ANXA2: variants seen among roughly 807,000 people sequenced by gnomAD.
ANXA2 encodes the protein annexin A2.
In ANXA2, 28 loss-of-function variants were observed where a neutral mutation model predicts 47.3. That is an observed-to-expected ratio of 0.59 (90% CI 0.44 to 0.81). The LOEUF (loss-of-function observed/expected upper bound fraction) is 0.81. Among genes scored for constraint, ANXA2 ranks in the 40% least tolerant of loss-of-function variants. ANXA2 has a pLI of 0.00. For synonymous variants in ANXA2, 172 were observed against 155.5 expected, an observed-to-expected ratio of 1.11 and a Z score of -0.79; for missense variants, 384 against 414.3, an observed-to-expected ratio of 0.93 and a Z score of 0.64.
At chr15:60,397,070 CCTT>C (rs778092960) in intron 1 of ANXA2, among the ~76,000 whole-genome samples, 8 of 152,320 alleles carry the variant, frequency 5.3e-5, no homozygotes, top group Admixed American at 2.6e-4. Context: ...GTGTTCCCCT[CCTT>C]CTTCTCAACA....
At chr15:60,351,660 G>A in intron 10 of ANXA2, 64 bp downstream of exon 10, 1 of 1,028,318 alleles carries the variant, frequency 9.7e-7, no homozygotes, top group Non-Finnish European at 1.5e-6. Context: ...TTAACAGGAT[G>A]GCCATCTGTC....
chr15:60,382,046 AGGGAG>A (rs1242080020), intron 3 of ANXA2, among the ~76,000 whole-genome samples: 2 of 55,244 alleles, frequency 3.6e-5, no homozygotes, highest in African/African-American at 1.5e-4. Flanking sequence ...AAAGGAAAGA[AGGGAG>A]GGGAGGGAGG....
chr15:60,379,169 C>T (rs1032733553), intron 3 of ANXA2, among the ~76,000 whole-genome samples: 3 of 151,384 alleles, frequency 2.0e-5, no homozygotes, highest in African/African-American at 7.3e-5. Context: ...ATCCCAGCTA[C>T]TCGGGAGGCT....
chr15:60,355,700 G>T, intron 7 of ANXA2: 1 of 603,160 alleles, frequency 1.7e-6, no homozygotes, highest in Non-Finnish European at 3.0e-6. Flanking sequence ...CCCTTCTCTG[G>T]CTCCCAAAGT....
intron 11 of ANXA2, among the ~76,000 whole-genome samples, chr15:60,350,625 G>C (rs1199673924): frequency 6.6e-6 from 1 of 152,194 alleles, no homozygotes; most frequent in Non-Finnish European, 1.5e-5. Flanking sequence ...TGTAGAAAAT[G>C]GGATGGGTCT....
intron 1 of ANXA2, among the ~76,000 whole-genome samples, chr15:60,390,862 A>G (rs1272406080): frequency 6.6e-6 from 1 of 152,226 alleles, no homozygotes; most frequent in Non-Finnish European, 1.5e-5. Flanking sequence ...TGGCTTTGCG[A>G]TTCACTGTTT....
At chr15:60,361,285 G>A (rs528114990) in intron 4 of ANXA2, among the ~76,000 whole-genome samples, 33 of 152,226 alleles carry the variant, frequency 2.2e-4, no homozygotes, top group Admixed American at 1.2e-3. Context: ...TAATTTTGCC[G>A]TCTTCCCCGG....
chr15:60,397,575 G>GCGGCCACGCC (rs576109654), intron 1 of ANXA2, among the ~76,000 whole-genome samples: 355 of 152,312 alleles, frequency 2.3e-3, no homozygotes, highest in African/African-American at 7.9e-3. Flanking sequence ...GGCTCCCTGG[G>GCGGCCACGCC]CGGCCACGCC....
intron 2 of ANXA2, chr15:60,384,628 T>G (rs2062908469): frequency 6.6e-6 from 1 of 152,220 alleles, no homozygotes; most frequent in African/African-American, 2.4e-5. Flanking sequence ...TGAATTTGTC[T>G]GACTTCAACA....
intron 3 of ANXA2, among the ~76,000 whole-genome samples, chr15:60,367,273 A>T (rs1163520731): frequency 2.7e-5 from 1 of 37,124 alleles, no homozygotes. Flanking sequence ...AGGTGGGGGG[A>T]TCAGCCCCCC....
chr15:60,392,971 G>A (rs895489421), intron 1 of ANXA2: 5 of 1,171,118 alleles, frequency 4.3e-6, no homozygotes, highest in African/African-American at 1.6e-5. Context: ...AAATGTACTG[G>A]GTGAGGAGAG....
chr15:60,397,970 G>T lies in ANXA2; in HGVS notation c.-39C>A. The T allele has an allele frequency of 8.0e-7, 1 of 1,255,182 alleles. No homozygotes were observed. The highest frequency in any genetic ancestry group is 1.0e-6 in the Non-Finnish European group (1 of 993,552). 77.8% of individuals were successfully genotyped at this position (1,255,182 alleles called of 1,614,324 possible). Reference sequence around the variant, plus strand: ...GGGCCGTGCGCCGAGAGCTGAGAGCGTCCCCAAATGCTGAGCAGAGCCGGC... The same window carrying T: ...GGGCCGTGCGCCGAGAGCTGAGAGCTTCCCCAAATGCTGAGCAGAGCCGGC... On this transcript the variant is annotated 5_prime_UTR_variant, in exon 1 of 13. Coordinates refer to ENST00000451270, the MANE Select transcript of ANXA2 (RefSeq NM_004039.3).
chr15:60,364,361 G>C, intron 4 of ANXA2, 68 bp downstream of exon 4: 4 of 1,286,424 alleles, frequency 3.1e-6, no homozygotes, highest in South Asian at 1.3e-5. Context: ...TTCATGAAAA[G>C]AAAAAGCAAT....
At position 60,390,239 on chromosome 15, in the gene ANXA2, C is replaced by T. The variant is rs139774700; in HGVS notation, c.-11-4153G>A. On this transcript the variant is annotated intron_variant, in intron 1 of 12. Coordinates refer to ENST00000451270, the MANE Select transcript of ANXA2 (RefSeq NM_004039.3). ...ACAAAGCAGTATCTATGAAATTTGA[C>T]ATTATCCCATGCAGGTGCCTTTTGT... 5 of 1,014,728 alleles carry T rather than the reference C, an allele frequency of 4.9e-6. No individual in the cohort carries two copies. The African/African-American group carries it at 8.6e-5, about 18-fold the overall frequency. The allele number at this position is 1,014,728 out of a possible 1,614,324, so 62.9% of individuals were successfully genotyped here.
intron 1 of ANXA2, among the ~76,000 whole-genome samples, chr15:60,388,096 G>C (rs1027706498): frequency 1.1e-4 from 16 of 151,854 alleles, no homozygotes; most frequent in Non-Finnish European, 2.4e-4. Flanking sequence ...GCTGAGACAG[G>C]AGAATAGCTT....
intron 1 of ANXA2, among the ~76,000 whole-genome samples, chr15:60,389,765 C>T (rs2140932538): frequency 6.6e-6 from 1 of 152,294 alleles, no homozygotes; most frequent in South Asian, 2.1e-4. Flanking sequence ...AAACAGTTCC[C>T]TCTGTTTACT....
At chr15:60,374,463 G>C in intron 3 of ANXA2, 1 of 456,100 alleles carries the variant, frequency 2.2e-6, no homozygotes, top group Non-Finnish European at 4.4e-6. Flanking sequence ...TGATATTGGA[G>C]AATTTTCTTG....
At chr15:60,376,942 C>G (rs1236864169) in intron 3 of ANXA2, among the ~76,000 whole-genome samples, 1 of 152,242 alleles carries the variant, frequency 6.6e-6, no homozygotes, top group Non-Finnish European at 1.5e-5. Flanking sequence ...TGGGTAGCGT[C>G]CCGGCACACT....
chr15:60,357,597 T>C (rs2140808189), intron 5 of ANXA2, among the ~76,000 whole-genome samples: 1 of 152,214 alleles, frequency 6.6e-6, no homozygotes, highest in South Asian at 2.1e-4. Context: ...ATCAAGACCA[T>C]TCTGGCTAAC....
Sources: allele counts gnomAD v4.1 joint callset (sites outside exome capture counted in the v4.1 genomes callset), GRCh38; gene constraint gnomAD v4.1.1; transcripts MANE v1.5; gene names NCBI Gene and HGNC (gene_info 2026-07-23, HGNC 2026-07-21).